The following PLA2G4A variants were observed in gnomAD, a reference collection of about 807,000 sequenced individuals.
PLA2G4A encodes cytosolic phospholipase A2.
In PLA2G4A, 40 loss-of-function variants were observed where a neutral mutation model predicts 81.9. The observed-to-expected ratio is 0.49, with a 90% confidence interval of 0.38 to 0.64. The LOEUF is 0.64. PLA2G4A is among the 30% of genes least tolerant of loss of function. PLA2G4A has a pLI of 0.00. For synonymous variants in PLA2G4A, 302 were observed against 296.9 expected (o/e 1.02, Z -0.18); for missense variants, 715 against 905.1 (o/e 0.79, Z 2.69).
intron 7 of PLA2G4A, among the ~76,000 whole-genome samples, chr1:186,915,419 T>G (rs1187409697): frequency 6.6e-6 from 1 of 152,194 alleles, no homozygotes; most frequent in African/African-American, 2.4e-5. Context: ...GGGGGTCCAG[T>G]ATCCCCACGA....
chr1:186,831,192 C>G (rs979950707), intron 1 of PLA2G4A, among the ~76,000 whole-genome samples: 1 of 151,946 alleles, frequency 6.6e-6, no homozygotes, highest in Non-Finnish European at 1.5e-5. Context: ...TCACAAATCC[C>G]CAAAGACAAT....
chr1:186,958,681 G>A (rs2102262001), intron 14 of PLA2G4A, among the ~76,000 whole-genome samples: 1 of 152,200 alleles, frequency 6.6e-6, no homozygotes, highest in South Asian at 2.1e-4. Flanking sequence ...TCATCCACTT[G>A]CTTATGTAAA....
intron 1 of PLA2G4A, among the ~76,000 whole-genome samples, chr1:186,833,478 C>T (rs912688859): frequency 1.3e-5 from 2 of 152,030 alleles, no homozygotes; most frequent in East Asian, 1.9e-4. Context: ...CAGTTCTGGC[C>T]AACTCTTTGT....
At chr1:186,919,794 A>G (rs1190341303) in intron 7 of PLA2G4A, among the ~76,000 whole-genome samples, 2 of 152,152 alleles carry the variant, frequency 1.3e-5, no homozygotes, top group East Asian at 3.9e-4. Context: ...AGGGTTAGGA[A>G]CTGTTGGGTG....
At chr1:186,844,951 T>A (rs1303642156) in intron 1 of PLA2G4A, among the ~76,000 whole-genome samples, 1 of 152,140 alleles carries the variant, frequency 6.6e-6, no homozygotes, top group African/African-American at 2.4e-5. Context: ...CTGATCACAC[T>A]GTAATCCCCC....
At chr1:186,906,601 C>A (rs1053993713) in intron 5 of PLA2G4A, among the ~76,000 whole-genome samples, 2 of 152,202 alleles carry the variant, frequency 1.3e-5, no homozygotes, top group Non-Finnish European at 2.9e-5. Flanking sequence ...CCTGAGGCAG[C>A]TCCTAAATAA....
chr1:186,868,800 C>A (rs1653129791), intron 2 of PLA2G4A, among the ~76,000 whole-genome samples: 1 of 152,212 alleles, frequency 6.6e-6, no homozygotes, highest in African/African-American at 2.4e-5. Flanking sequence ...TCTAGGTTAT[C>A]AAATTCGTGA....
intron 7 of PLA2G4A, among the ~76,000 whole-genome samples, chr1:186,932,339 AG>A (rs1655778770): frequency 7.0e-6 from 1 of 143,638 alleles, no homozygotes; most frequent in Non-Finnish European, 1.5e-5. Context: ...TCTGTTGCCC[AG>A]GCTGGAGAGC....
chr1:186,895,320 A>G (rs1378456687), intron 5 of PLA2G4A, among the ~76,000 whole-genome samples: 3 of 152,208 alleles, frequency 2.0e-5, no homozygotes, highest in African/African-American at 7.2e-5. Flanking sequence ...TGCAATCAGA[A>G]TGGCCCAGGT....
intron 5 of PLA2G4A, among the ~76,000 whole-genome samples, chr1:186,899,909 G>C (rs778241580): frequency 6.6e-6 from 1 of 152,160 alleles, no homozygotes; most frequent in Non-Finnish European, 1.5e-5. Context: ...AGAGTTGAAT[G>C]CAATGATTGC....
intron 2 of PLA2G4A, among the ~76,000 whole-genome samples, chr1:186,859,055 G>A (rs1277979533): frequency 6.6e-6 from 1 of 152,148 alleles, no homozygotes; most frequent in African/African-American, 2.4e-5. Flanking sequence ...GGAAAGTTGA[G>A]TGAATCAAGC....
chr1:186,892,842 G>A (rs1316181106), intron 3 of PLA2G4A, among the ~76,000 whole-genome samples, 169 bp from the exon 4 acceptor site: 1 of 152,122 alleles, frequency 6.6e-6, no homozygotes, highest in Non-Finnish European at 1.5e-5. Context: ...TATGTAAAAA[G>A]TATCTACCCT....
At chr1:186,979,516 T>A in intron 17 of PLA2G4A, 44 bp downstream of exon 17, 1 of 1,262,500 alleles carries the variant, frequency 7.9e-7, no homozygotes, top group Non-Finnish European at 1.2e-6. Flanking sequence ...ATGACTTCCA[T>A]ACCGTATAAA....
rs753579359 is a variant in PLA2G4A, at chr1:186,919,586, C to T, written c.558+8197C>T. Among the ~76,000 whole-genome samples, 42 of 152,272 alleles carry T rather than the reference C, an allele frequency of 2.8e-4. 1 individual carries two copies. The highest frequency in any genetic ancestry group is 5.7e-4 in the Non-Finnish European group (39 of 68,020). Reference sequence around the variant, plus strand: ...GGTCTCAAGCCACGGCCTCCCTGAACATAGTAGGGGAGTTCTTGAACCCTT... The same window carrying T: ...GGTCTCAAGCCACGGCCTCCCTGAATATAGTAGGGGAGTTCTTGAACCCTT... On this transcript the variant is annotated intron_variant, in intron 7 of 17. Transcript: ENST00000367466.
intron 3 of PLA2G4A, among the ~76,000 whole-genome samples, chr1:186,887,006 T>A (rs184368345): frequency 6.6e-6 from 1 of 152,274 alleles, no homozygotes; most frequent in Admixed American, 6.6e-5. Flanking sequence ...GAGAATATGA[T>A]TGAAGGTGCT....
intron 3 of PLA2G4A, among the ~76,000 whole-genome samples, chr1:186,882,339 C>T (rs972113070): frequency 3.3e-5 from 5 of 152,102 alleles, no homozygotes; most frequent in African/African-American, 7.2e-5. Context: ...TTAACTGTAC[C>T]GTCTTTGGAC....
intron 1 of PLA2G4A, among the ~76,000 whole-genome samples, chr1:186,831,198 A>G (rs533182820): frequency 2.0e-5 from 3 of 152,204 alleles, no homozygotes; most frequent in Admixed American, 1.3e-4. Flanking sequence ...ATCCCCAAAG[A>G]CAATTCATAT....
rs1000116634 is a variant in PLA2G4A at position 186,977,791 on chromosome 1, A to G, written c.1960+3A>G. ...CTTCAGAAAGTACAGGGCTCCAGGT[A>G]AGTAGGGAGTAAGCTGTATTCCATA... On this transcript the variant is annotated splice_donor_region_variant and intron_variant, in intron 16 of 17. Transcript: ENST00000367466. The G allele has an allele frequency of 8.9e-6, 14 of 1,579,610 alleles. No homozygotes were observed. The highest frequency in any genetic ancestry group is 3.3e-5 in the Admixed American group (2 of 59,974).
At chr1:186,875,641 T>A (rs1653465647) in intron 3 of PLA2G4A, among the ~76,000 whole-genome samples, 1 of 152,100 alleles carries the variant, frequency 6.6e-6, no homozygotes, top group African/African-American at 2.4e-5. Context: ...TATATAATTC[T>A]CTTTCAGCTT....
Sources: allele counts gnomAD v4.1 joint callset (sites outside exome capture counted in the v4.1 genomes callset), GRCh38; gene constraint gnomAD v4.1.1; transcripts MANE v1.5; gene names NCBI Gene and HGNC (gene_info 2026-07-23, HGNC 2026-07-21).